SLC6A12: variants seen among roughly 807,000 people sequenced by gnomAD.
SLC6A12 encodes solute carrier family 6 member 12, also known as sodium- and chloride-dependent betaine transporter.
Under a neutral mutation model 73.3 loss-of-function variants are expected in SLC6A12, and 50 were observed. That is an observed-to-expected ratio of 0.68 (90% CI 0.54 to 0.86). SLC6A12 has a LOEUF of 0.86. Ranked by LOEUF, SLC6A12 falls within the 40% of genes least tolerant of loss-of-function variation. The pLI, the probability that SLC6A12 is intolerant of heterozygous loss-of-function variation, is 0.00. For synonymous variants in SLC6A12, 304 were observed against 309.2 expected (o/e 0.98, Z 0.18); for missense variants, 648 against 772.8 (o/e 0.84, Z 1.92).
Position 210,014 on chromosome 12 carries a change from C to T in SLC6A12, c.-28G>A, listed in dbSNP as rs746461776. 1.1e-5 allele frequency: 18 copies of T among 1,610,854 alleles called. No homozygotes were observed. The South Asian group carries it at 2.0e-4, about 18-fold the overall frequency. On this transcript the variant is annotated 5_prime_UTR_variant, in exon 3 of 16. Coordinates refer to ENST00000684302, the MANE Select transcript of SLC6A12 (RefSeq NM_001122848.3). ...CTGTGTGGTGGGTTGGGAAGCCCCG[C>T]TGGGTGGGCAGGATGACGAGGGCCA...
chr12:209,997 T>C lies in SLC6A12; in HGVS notation c.-11A>G. 6.2e-7 allele frequency: 1 copy of C among 1,613,484 alleles called. No individual in the cohort carries two copies. Among genetic ancestry groups the C allele is most frequent in the African/African-American group, 1.3e-5 (1 of 75,008 alleles). On this transcript the variant is annotated 5_prime_UTR_variant, in exon 3 of 16. Coordinates refer to ENST00000684302, the MANE Select transcript of SLC6A12 (RefSeq NM_001122848.3). ...CACCTTCCCGTCCATGGCTGTGTGG[T>C]GGGTTGGGAAGCCCCGCTGGGTGGG...
At chr12:188,887 A>T (rs1939494696), downstream of SLC6A12, among the ~76,000 whole-genome samples, 1 of 143,964 alleles carries the variant, frequency 6.9e-6, no homozygotes, top group African/African-American at 2.5e-5. Context: ...CCCCACCCCC[A>T]TCCAGATCCC....
chr12:196,920 C>T (rs540728031), intron 10 of SLC6A12, 38 bp from the exon 11 acceptor site: 5 of 1,464,644 alleles, frequency 3.4e-6, no homozygotes, highest in African/African-American at 1.4e-5. Flanking sequence ...GGCTCCAGGG[C>T]GTGTGCTGCC....
chr12:200,599 C>T lies in SLC6A12; in HGVS notation c.711+52G>A, dbSNP rs937024075. 4 of 1,593,016 alleles carry T rather than the reference C, an allele frequency of 2.5e-6. No homozygotes were observed. In the African/African-American group the frequency reaches 5.4e-5, roughly 21 times the overall value. On this transcript the variant is annotated intron_variant, in intron 7 of 15. Transcript: ENST00000684302. ...CTCCAGAGGGTCCCCCTCAAGTGTC[C>T]CCGTAGACTCTGGGGGCCAAAGGGA...
intron 6 of SLC6A12, chr12:201,347 T>G: frequency 4.6e-6 from 1 of 215,136 alleles, no homozygotes; most frequent in Non-Finnish European, 9.3e-6. Flanking sequence ...AGTGTGTGAG[T>G]GGAGGGTGTG....
At chr12:184,735 G>A in the SLC6A12 span, among the ~76,000 whole-genome samples, 3 of 151,200 alleles carry the variant, frequency 2.0e-5, no homozygotes, top group Admixed American at 1.3e-4. Context: ...GGGCGACAGA[G>A]CAAGACTCCG....
intron 3 of SLC6A12, among the ~76,000 whole-genome samples, chr12:209,324 G>A (rs7303400): frequency 6.6e-5 from 10 of 151,704 alleles, no homozygotes; most frequent in African/African-American, 1.7e-4. Context: ...TAGACCACGC[G>A]GAACCGTTTG....
chr12:197,367 T>C lies in SLC6A12; in HGVS notation c.1075+10A>G, dbSNP rs772984985. 2.5e-6 allele frequency: 4 copies of C among 1,610,756 alleles called. No individual in the cohort carries two copies. The African/African-American group carries it at 4.0e-5, about 16-fold the overall frequency. On this transcript the variant is annotated intron_variant, in intron 10 of 15. Coordinates refer to ENST00000684302, the MANE Select transcript of SLC6A12 (RefSeq NM_001122848.3). ...TCCCCTCAGGCCCCAGACAGCAAAG[T>C]GGCACCTACCTGACTCGGCCACTTC...
rs1165873267 is a variant in SLC6A12, at chr12:212,075, G to A, written c.-107C>T. The A allele has an allele frequency of 6.6e-6, 1 of 152,238 alleles. No homozygotes were observed. Among genetic ancestry groups the A allele is most frequent in the Non-Finnish European group, 1.5e-5 (1 of 68,054 alleles). 9.4% of individuals were successfully genotyped at this position (152,238 alleles called of 1,614,324 possible). The stretch of plus-strand genomic sequence containing the variant: ...GTCTCTAACTTGCTGTGTGACCTCA[G>A]GCAAATCACACCCCCTCTCTGAACT... On this transcript the variant is annotated 5_prime_UTR_variant, in exon 2 of 16. Coordinates refer to ENST00000684302, the MANE Select transcript of SLC6A12 (RefSeq NM_001122848.3).
downstream of SLC6A12, among the ~76,000 whole-genome samples, chr12:187,624 AAAAAAAAC>A (rs1565461368): frequency 4.3e-4 from 16 of 37,058 alleles, no homozygotes; most frequent in South Asian, 1.6e-3. Flanking sequence ...AAAAAAAAAA[AAAAAAAAC>A]AAACCACACA....
chr12:202,740 C>G lies in SLC6A12; in HGVS notation c.490G>C (p.Glu164Gln). The change falls in exon 5 of 16, where the codon GAG becomes CAG. Residue 164 changes from glutamate to glutamine, a missense_variant and splice_region_variant. Physicochemically the swap from Glu to Gln is conservative, Grantham distance 29 (BLOSUM62 2). Coordinates refer to ENST00000684302, the MANE Select transcript of SLC6A12 (RefSeq NM_001122848.3). The stretch of plus-strand genomic sequence containing the variant: ...TCCCAGGGGCTGAAATGATGGATAC[C>G]TGTGTTCCAAAAGTTGTTGCAGGTC... Reference protein sequence around the residue: ...WTTCNNFWNTEHCTDFLNHSG... With the variant: ...WTTCNNFWNTQHCTDFLNHSG... The G allele has an allele frequency of 6.2e-7, 1 of 1,613,320 alleles. No homozygotes were observed. The highest frequency in any genetic ancestry group is 1.1e-5 in the South Asian group (1 of 90,878).
intron 3 of SLC6A12, among the ~76,000 whole-genome samples, chr12:207,494 T>C (rs921587205): frequency 6.6e-6 from 1 of 152,242 alleles, no homozygotes; most frequent in Non-Finnish European, 1.5e-5. Flanking sequence ...TTATTACTCT[T>C]TTTTGTTTCT....
At chr12:203,326 T>C (rs192053858) in intron 4 of SLC6A12, 239 of 156,226 alleles carry the variant, frequency 1.5e-3, no homozygotes, top group Non-Finnish European at 2.6e-3. Context: ...TGCCTCAGCC[T>C]CCCGAAGTGC....
chr12:201,583 T>C (rs1940266629), intron 6 of SLC6A12, 179 bp downstream of exon 6: 1 of 603,770 alleles, frequency 1.7e-6, no homozygotes, highest in African/African-American at 1.9e-5. Flanking sequence ...TGGACCCGTG[T>C]GGGTAGATGT....
At chr12:197,166 C>CATCCATCCATCCATCCATCT (rs1939940297) in intron 10 of SLC6A12, among the ~76,000 whole-genome samples, 2 of 29,740 alleles carry the variant, frequency 6.7e-5, no homozygotes, top group Non-Finnish European at 1.7e-4. Flanking sequence ...TCCATCCATC[C>CATCCATCCATCCATCCATCT]ATCCATCCAT....
downstream of SLC6A12, among the ~76,000 whole-genome samples, chr12:189,667 C>T (rs1939511555): frequency 6.6e-6 from 1 of 152,198 alleles, no homozygotes; most frequent in South Asian, 2.1e-4. Context: ...CCTCTCCTCC[C>T]TTCCCTTCTG....
In SLC6A12 at chr12:190,908, CA is replaced by C. The variant is rs1412546834; in HGVS notation, c.*159del. 3 of 488,718 alleles carry C rather than the reference CA, an allele frequency of 6.1e-6. No individual in the cohort carries two copies. Among genetic ancestry groups the C allele is most frequent in the Non-Finnish European group, 9.7e-6 (3 of 309,754 alleles). The allele number at this position is 488,718 out of a possible 1,614,324, so 30.3% of individuals were successfully genotyped here. On this transcript the variant is annotated 3_prime_UTR_variant, in exon 16 of 16. Coordinates refer to ENST00000684302, the MANE Select transcript of SLC6A12 (RefSeq NM_001122848.3). ...GGGGAAGGAGCTGCTCCAGCTAGCA[CA>C]AGAGAGGAGTCTGGCCTCCAGCTGG...
At chr12:202,604 G>A (rs1940331619) in intron 5 of SLC6A12, 136 bp downstream of exon 5, 1 of 814,190 alleles carries the variant, frequency 1.2e-6, no homozygotes, top group Non-Finnish European at 1.9e-6. Flanking sequence ...AAGGAGCAGA[G>A]CTGCCCAGGA....
Position 202,744 on chromosome 12 carries a change from G to C in SLC6A12, c.486C>G (p.Asn162Lys). Residue 162 changes from asparagine to lysine, a missense_variant, in exon 5 of 16, where the codon AAC (asparagine) becomes AAG (lysine). Transcript: ENST00000684302. ...LPWTTCNNFW[N>K]TEHCTDFLNH... ...AGGGGCTGAAATGATGGATACCTGT[G>C]TTCCAAAAGTTGTTGCAGGTCGTCC... The C allele has an allele frequency of 6.2e-7, 1 of 1,613,422 alleles. No homozygotes were observed. The highest frequency in any genetic ancestry group is 8.5e-7 in the Non-Finnish European group (1 of 1,179,700).
Sources: gnomAD v4.1 joint callset for allele counts (sites outside exome capture counted in the v4.1 genomes callset) on GRCh38, gnomAD v4.1.1 for gene constraint, MANE v1.5 for transcripts, NCBI Gene and HGNC (gene_info 2026-07-23, HGNC 2026-07-21) for gene names.